Variants in RBM47 observed in about 807,000 individuals in gnomAD.
The protein encoded by RBM47 is RNA binding motif protein 47, also known as RNA-binding protein 47.
In RBM47, 21 loss-of-function variants were observed where a neutral mutation model predicts 47.1. The ratio of observed to expected loss-of-function variants is 0.45; its 90% CI spans 0.32 to 0.64. The LOEUF is 0.64. Ranked by LOEUF, RBM47 falls within the 30% of genes least tolerant of loss-of-function variation. The pLI is 0.05. For synonymous variants in RBM47, 375 were observed against 361.7 expected, an observed-to-expected ratio of 1.04 and a Z score of -0.42; for missense variants, 708 against 870.9, an observed-to-expected ratio of 0.81 and a Z score of 2.35.
intron 2 of RBM47, among the ~76,000 whole-genome samples, chr4:40,477,160 G>A (rs529546254): frequency 2.0e-5 from 3 of 152,268 alleles, no homozygotes; most frequent in African/African-American, 7.2e-5. Flanking sequence ...TCCAGCCTGG[G>A]CAACACAGTG....
chr4:40,593,019 G>T (rs1378085090), intron 1 of RBM47, among the ~76,000 whole-genome samples: 2 of 90,724 alleles, frequency 2.2e-5, no homozygotes, highest in Non-Finnish European at 2.0e-5. Context: ...TTTTTGAGAC[G>T]GAGTCTGGCT....
chr4:40,457,433 A>AC (rs1433313274), intron 3 of RBM47, among the ~76,000 whole-genome samples: 9 of 151,664 alleles, frequency 5.9e-5, no homozygotes, highest in African/African-American at 1.9e-4. Flanking sequence ...AAAAAAAAAA[A>AC]AAAAACAAAA....
intron 1 of RBM47, among the ~76,000 whole-genome samples, chr4:40,571,817 G>C (rs548846012): frequency 6.6e-6 from 1 of 151,586 alleles, no homozygotes; most frequent in African/African-American, 2.4e-5. Flanking sequence ...TCAGGAGTTA[G>C]AGAACAGCCT....
intron 1 of RBM47, among the ~76,000 whole-genome samples, chr4:40,586,397 G>A (rs1208026641): frequency 1.3e-5 from 2 of 152,012 alleles, no homozygotes; most frequent in Non-Finnish European, 2.9e-5. Flanking sequence ...CAGAAACAGA[G>A]TTAGGGGCTT....
rs1417961215 is a variant in RBM47 at position 40,569,048 on chromosome 4, CAGAT to C, written c.-239-24546_-239-24543del. 5.9e-3 allele frequency among the ~76,000 whole-genome samples: 869 copies of C among 146,336 alleles called. 12 individuals carry two copies. Among genetic ancestry groups the C allele is most frequent in the Middle Eastern group, 0.021 (6 of 286 alleles). On this transcript the variant is annotated intron_variant, in intron 1 of 6. Transcript: ENST00000295971. ...ACAGACAGACAGACAGACAGACAGA[CAGAT>C]AGATAGATAGTATATGTGGTCTGGG...
chr4:40,443,454 A>C (rs1713986132), intron 3 of RBM47, among the ~76,000 whole-genome samples: 1 of 152,176 alleles, frequency 6.6e-6, no homozygotes, highest in Admixed American at 6.6e-5. Context: ...ACAGTGGCTT[A>C]CACCTGTAAT....
chr4:40,526,854 G>A (rs190895782), intron 2 of RBM47, among the ~76,000 whole-genome samples: 1 of 140,886 alleles, frequency 7.1e-6, no homozygotes, highest in Admixed American at 7.5e-5. Context: ...TTAGCTAGAG[G>A]GCCACACATA....
chr4:40,526,789 CTTTTTTTTTTTTT>C (rs540484622), intron 2 of RBM47, among the ~76,000 whole-genome samples: 153 of 61,628 alleles, frequency 2.5e-3, no homozygotes, highest in Non-Finnish European at 3.1e-3. Context: ...CAGTTTGGTT[CTTTTTTTTTTTTT>C]TTTTTTTTTT....
chr4:40,576,948 T>G (rs1440567453), intron 1 of RBM47, among the ~76,000 whole-genome samples: 4 of 152,128 alleles, frequency 2.6e-5, no homozygotes, highest in African/African-American at 9.7e-5. Context: ...CTGGTGGAGC[T>G]GAGTGATTAG....
chr4:40,619,210 T>G (rs558010325), intron 1 of RBM47, among the ~76,000 whole-genome samples: 1 of 152,250 alleles, frequency 6.6e-6, no homozygotes, highest in East Asian at 1.9e-4. Flanking sequence ...GGATGGATTA[T>G]TTGAGCCCAG....
intron 1 of RBM47, among the ~76,000 whole-genome samples, chr4:40,618,823 A>AG (rs1736985005): frequency 6.6e-6 from 1 of 150,682 alleles, no homozygotes; most frequent in South Asian, 2.1e-4. Flanking sequence ...AAAAAAAAAA[A>AG]AAAAAAAAAA....
chr4:40,600,169 T>A (rs986251309), intron 1 of RBM47, among the ~76,000 whole-genome samples: 7 of 144,120 alleles, frequency 4.9e-5, no homozygotes, highest in African/African-American at 1.8e-4. Context: ...ACCTGGCTAA[T>A]TTTTTTATGA....
chr4:40,578,701 A>G (rs970715471), intron 1 of RBM47, among the ~76,000 whole-genome samples: 3 of 152,220 alleles, frequency 2.0e-5, no homozygotes, highest in Non-Finnish European at 1.5e-5. Flanking sequence ...GACAAGAGAT[A>G]TGACTTCTCA....
At chr4:40,510,464 C>A (rs1724780794) in intron 2 of RBM47, among the ~76,000 whole-genome samples, 1 of 152,122 alleles carries the variant, frequency 6.6e-6, no homozygotes, top group African/African-American at 2.4e-5. Flanking sequence ...CACTTGTGAT[C>A]CATGACCTAA....
At chr4:40,519,659 C>CTT (rs35250968) in intron 2 of RBM47, among the ~76,000 whole-genome samples, 1,183 of 96,208 alleles carry the variant, frequency 0.012, 135 homozygotes, top group African/African-American at 0.026. Context: ...CCCTACCCTC[C>CTT]TTTTTTTTTT....
At chr4:40,497,688 C>T (rs534092471) in intron 2 of RBM47, among the ~76,000 whole-genome samples, 2 of 151,758 alleles carry the variant, frequency 1.3e-5, no homozygotes, top group Non-Finnish European at 2.9e-5. Context: ...AAGTAAGCCT[C>T]CCTGGCCAGG....
intron 3 of RBM47, chr4:40,455,413 T>G (rs1028429324): frequency 6.6e-6 from 1 of 152,206 alleles, no homozygotes; most frequent in Non-Finnish European, 1.5e-5. Flanking sequence ...GAGCCTCAGC[T>G]TCACCATCTA....
chr4:40,614,915 T>A (rs1439913844), intron 1 of RBM47, among the ~76,000 whole-genome samples: 1 of 152,044 alleles, frequency 6.6e-6, no homozygotes, highest in Non-Finnish European at 1.5e-5. Context: ...TTTCTACACA[T>A]GTCAAATGAG....
At chr4:40,434,629 T>C (rs1712005339) in intron 5 of RBM47, among the ~76,000 whole-genome samples, 2 of 121,236 alleles carry the variant, frequency 1.6e-5, no homozygotes, top group Admixed American at 9.5e-5. Context: ...TTGCCCACAG[T>C]GCCAATGACA....
Sources: allele counts gnomAD v4.1 joint callset (sites outside exome capture counted in the v4.1 genomes callset), GRCh38; gene constraint gnomAD v4.1.1; transcripts MANE v1.5; gene names NCBI Gene and HGNC (gene_info 2026-07-23, HGNC 2026-07-21).